The following HADH variants were observed in gnomAD, a reference collection of about 807,000 sequenced individuals.
HADH encodes hydroxyacyl-CoA dehydrogenase, also known as hydroxyacyl-coenzyme A dehydrogenase, mitochondrial.
A neutral mutation model predicts 32.2 loss-of-function variants in HADH; 24 were observed. That is an observed-to-expected ratio of 0.75 (90% confidence interval 0.54 to 1.05). The LOEUF (loss-of-function observed/expected upper bound fraction) is 1.05, where lower values mean the gene tolerates loss of function less well. Ranked by LOEUF, HADH falls within the 50% of genes least tolerant of loss-of-function variation. HADH has a pLI of 0.00. For synonymous variants in HADH, 139 were observed against 152.5 expected, an observed-to-expected ratio of 0.91 and a Z score of 0.65; for missense variants, 350 against 397.1, an observed-to-expected ratio of 0.88 and a Z score of 1.01.
rs139225651 is a variant in HADH at position 108,015,482 on chromosome 4, G to A, written c.419+894G>A. 1.7e-3 allele frequency among the ~76,000 whole-genome samples: 258 copies of A among 152,144 alleles called. 4 individuals are homozygous for A. The highest frequency in any genetic ancestry group is 0.016 in the Admixed American group (241 of 15,286). On this transcript the variant is annotated intron_variant, in intron 3 of 7. Transcript: ENST00000309522. ...TGGACATTCTTGACAGATTCTGAGG[G>A]GTCCCTCCCTGGGCCTTGAACTTTC...
chr4:108,033,916 C>A (rs112246586), intron 7 of HADH, among the ~76,000 whole-genome samples: 1 of 152,246 alleles, frequency 6.6e-6, no homozygotes, highest in Non-Finnish European at 1.5e-5. Context: ...AGTGATGAAT[C>A]CAACCAGCAA....
chr4:108,004,800 T>G (rs758609424), intron 1 of HADH: 270 of 1,535,906 alleles, frequency 1.8e-4, no homozygotes, highest in Non-Finnish European at 2.0e-4. Context: ...TAGGAGTTAC[T>G]ACACTTCAAG....
chr4:108,009,545 G>A (rs1578251286), intron 1 of HADH, among the ~76,000 whole-genome samples: 1 of 152,116 alleles, frequency 6.6e-6, no homozygotes, highest in Non-Finnish European at 1.5e-5. Context: ...TCAAGAATTT[G>A]TTGTATTCAA....
chr4:108,006,180 G>A (rs1315147891), intron 1 of HADH, among the ~76,000 whole-genome samples: 1 of 152,178 alleles, frequency 6.6e-6, no homozygotes, highest in Non-Finnish European at 1.5e-5. Flanking sequence ...TTTCCTTAGG[G>A]AGTGTGTGGG....
At chr4:108,006,835 C>A (rs1046456671) in intron 1 of HADH, among the ~76,000 whole-genome samples, 2 of 152,134 alleles carry the variant, frequency 1.3e-5, no homozygotes, top group African/African-American at 2.4e-5. Context: ...ATTACTGTGA[C>A]TTTAATTTGA....
At chr4:108,021,607 G>T (rs961982361) in intron 4 of HADH, among the ~76,000 whole-genome samples, 2 of 152,150 alleles carry the variant, frequency 1.3e-5, no homozygotes, top group Non-Finnish European at 2.9e-5. Context: ...TTGAATGAAT[G>T]AATGAGTGAA....
intron 1 of HADH, among the ~76,000 whole-genome samples, chr4:108,001,624 A>G (rs944741268): frequency 2.0e-5 from 3 of 152,162 alleles, no homozygotes; most frequent in African/African-American, 7.2e-5. Context: ...GAAACTGCAG[A>G]TAGTACCAAA....
chr4:108,010,618 A>G (rs1035573519), intron 2 of HADH, among the ~76,000 whole-genome samples: 10 of 152,220 alleles, frequency 6.6e-5, no homozygotes, highest in Non-Finnish European at 1.2e-4. Flanking sequence ...TCTCACTTCA[A>G]GTATCCAAGG....
intron 6 of HADH, chr4:108,028,049 A>T: frequency 2.0e-6 from 1 of 503,946 alleles, no homozygotes; most frequent in Non-Finnish European, 3.5e-6. Context: ...GATATCCTGG[A>T]TCTCTGCTTT....
At chr4:108,003,411 A>C (rs995249905) in intron 1 of HADH, among the ~76,000 whole-genome samples, 13 of 152,328 alleles carry the variant, frequency 8.5e-5, no homozygotes, top group African/African-American at 2.9e-4. Context: ...CGCACCTCTC[A>C]ATACTATCAT....
chr4:108,003,815 A>G (rs1735198520), intron 1 of HADH, among the ~76,000 whole-genome samples: 1 of 5,550 alleles, frequency 1.8e-4, no homozygotes, highest in African/African-American at 2.3e-4. Context: ...CAGAATTAAA[A>G]AAAAAAAAAA....
intron 6 of HADH, chr4:108,029,779 T>C (rs541457495): frequency 6.5e-6 from 1 of 152,716 alleles, no homozygotes; most frequent in East Asian, 1.9e-4. Flanking sequence ...CTCTGCTGTT[T>C]GTCCACTCAT....
chr4:108,011,431 G>A (rs1005647557), intron 2 of HADH, among the ~76,000 whole-genome samples: 3 of 152,152 alleles, frequency 2.0e-5, no homozygotes, highest in Non-Finnish European at 4.4e-5. Context: ...CATGTGCAGG[G>A]GAACTGTCCT....
chr4:108,016,399 C>A (rs437699), intron 3 of HADH, among the ~76,000 whole-genome samples: 3 of 152,186 alleles, frequency 2.0e-5, no homozygotes, highest in Non-Finnish European at 4.4e-5. Context: ...AAGAGACTTG[C>A]CTTTCTGTCA....
chr4:108,014,316 A>C, intron 2 of HADH, 115 bp from the exon 3 acceptor site: 1 of 1,036,536 alleles, frequency 9.6e-7, no homozygotes, highest in Non-Finnish European at 1.5e-6. Context: ...CAGATAGGGT[A>C]GGCCAATACA....
At chr4:108,030,526 G>A (rs1261204873) in intron 6 of HADH, 1 of 152,490 alleles carries the variant, frequency 6.6e-6, no homozygotes, top group African/African-American at 2.4e-5. Context: ...TGCTAAGAAT[G>A]GTTGGCAGGT....
At position 107,990,046 on chromosome 4, in the gene HADH, G is replaced by A; in HGVS notation, c.114G>A (p.Met38Ile). 1 of 1,610,480 alleles carries A rather than the reference G, an allele frequency of 6.2e-7. No individual in the cohort carries two copies. Among genetic ancestry groups the A allele is most frequent in the Non-Finnish European group, 8.5e-7 (1 of 1,179,056 alleles). Reference protein sequence around the residue: ...KHVTVIGGGLMGAGIAQVAAA... With the variant: ...KHVTVIGGGLIGAGIAQVAAA... Reference sequence around the variant, plus strand: ...TGACGGTCATCGGCGGCGGGCTGATGGGCGCCGGCATTGCCCAGGTGAGCG... The same window carrying A: ...TGACGGTCATCGGCGGCGGGCTGATAGGCGCCGGCATTGCCCAGGTGAGCG... Residue 38 changes from methionine (M) to isoleucine (I), a missense_variant, in exon 1 of 8, where the codon ATG becomes ATA. Coordinates refer to ENST00000309522, the MANE Select transcript of HADH (RefSeq NM_005327.7).
chr4:108,032,362 G>A, intron 6 of HADH: 2 of 1,599,588 alleles, frequency 1.3e-6, no homozygotes, highest in Non-Finnish European at 1.7e-6. Context: ...CTCGGGTTTG[G>A]GCTTTTCTTT....
In HADH at chr4:107,989,995, G is replaced by T. The variant is rs754944563; in HGVS notation, c.63G>T (p.Ser21=). 1.2e-6 allele frequency: 2 copies of T among 1,612,262 alleles called. No homozygotes were observed. The highest frequency in any genetic ancestry group is 2.7e-5 in the African/African-American group (2 of 74,894). The stretch of plus-strand genomic sequence containing the variant: ...CCTCCTCGTCCACCGCCTCGGCCTC[G>T]GCCAAGAAGATAATCGTCAAGCACG... ...SVSSSSTASA[S]AKKIIVKHVT... Residue 21 remains serine, a synonymous_variant, in exon 1 of 8, where the codon TCG becomes TCT. Coordinates refer to ENST00000309522, the MANE Select transcript of HADH (RefSeq NM_005327.7).
Sources: gnomAD v4.1 joint callset for allele counts (sites outside exome capture counted in the v4.1 genomes callset) on GRCh38, gnomAD v4.1.1 for gene constraint, MANE v1.5 for transcripts, NCBI Gene and HGNC (gene_info 2026-07-23, HGNC 2026-07-21) for gene names.